Variants in SHQ1 observed in about 807,000 individuals in gnomAD.
The protein encoded by SHQ1 is SHQ1, H/ACA ribonucleoprotein assembly factor.
In SHQ1, 49 loss-of-function variants were observed where a neutral mutation model predicts 53.8. The observed-to-expected ratio is 0.91, with a 90% confidence interval of 0.72 to 1.16. The LOEUF is 1.16. Ranked by LOEUF, SHQ1 falls within the 50% of genes most tolerant of loss-of-function variation. SHQ1 has a pLI of 0.00. For synonymous variants in SHQ1, 243 were observed against 251.0 expected, an observed-to-expected ratio of 0.97 and a Z score of 0.30; for missense variants, 738 against 683.1, an observed-to-expected ratio of 1.08 and a Z score of -0.90.
intron 1 of SHQ1, among the ~76,000 whole-genome samples, chr3:72,845,862 G>T (rs922881665): frequency 6.6e-6 from 1 of 152,124 alleles, no homozygotes; most frequent in Admixed American, 6.5e-5. Context: ...ATCCCTCTAA[G>T]CCAGAATAAG....
chr3:72,832,846 C>T (rs937719222), intron 4 of SHQ1, among the ~76,000 whole-genome samples: 13 of 149,336 alleles, frequency 8.7e-5, no homozygotes, highest in Non-Finnish European at 1.5e-4. Flanking sequence ...AGTTATTAAA[C>T]GTAGAGTGGC....
intron 4 of SHQ1, among the ~76,000 whole-genome samples, chr3:72,833,233 G>A (rs901365195): frequency 1.7e-4 from 26 of 152,220 alleles, no homozygotes; most frequent in Admixed American, 1.1e-3. Flanking sequence ...CTTGAGCCCA[G>A]GAGTTCGAAC....
intron 10 of SHQ1, among the ~76,000 whole-genome samples, chr3:72,786,303 G>A (rs1050267870): frequency 1.3e-5 from 2 of 152,172 alleles, no homozygotes; most frequent in African/African-American, 2.4e-5. Flanking sequence ...TTCCCAGAAT[G>A]TCAGTCTCAT....
At chr3:72,725,535 G>A in the SHQ1 span, among the ~76,000 whole-genome samples, 14 of 152,044 alleles carry the variant, frequency 9.2e-5, no homozygotes, top group Admixed American at 2.6e-4. Context: ...CCACTCCTCC[G>A]TTTCACTTCG....
chr3:72,739,521 T>C, the SHQ1 span, among the ~76,000 whole-genome samples: 948 of 152,306 alleles, frequency 6.2e-3, 62 homozygotes, highest in East Asian at 0.15. Flanking sequence ...AAGGCTCCCC[T>C]TGTTGCATGG....
At chr3:72,844,322 C>G (rs1708265919) in intron 2 of SHQ1, 37 bp downstream of exon 2, 1 of 1,562,564 alleles carries the variant, frequency 6.4e-7, no homozygotes, top group South Asian at 1.1e-5. Flanking sequence ...GTGAAAAATC[C>G]CAAGAAATAA....
the SHQ1 span, among the ~76,000 whole-genome samples, chr3:72,738,016 G>C: frequency 6.6e-6 from 1 of 152,138 alleles, no homozygotes; most frequent in East Asian, 1.9e-4. Flanking sequence ...CCCCAGCTCT[G>C]CTAACCCTCC....
downstream of SHQ1, among the ~76,000 whole-genome samples, chr3:72,747,338 T>C (rs1705274780): frequency 6.6e-6 from 1 of 152,174 alleles, no homozygotes; most frequent in Admixed American, 6.5e-5. Context: ...CCAATCCCGA[T>C]GGATTAACAG....
chr3:72,812,154 T>C (rs892118920), intron 9 of SHQ1, among the ~76,000 whole-genome samples: 1 of 152,232 alleles, frequency 6.6e-6, no homozygotes, highest in African/African-American at 2.4e-5. Context: ...CTGAGCTTTT[T>C]GTTGGAAAAT....
At chr3:72,841,994 T>C (rs1157419522) in intron 3 of SHQ1, among the ~76,000 whole-genome samples, 1 of 152,170 alleles carries the variant, frequency 6.6e-6, no homozygotes, top group Non-Finnish European at 1.5e-5. Flanking sequence ...TTTACGTAAC[T>C]CACTTAACTG....
At chr3:72,740,203 C>T in the SHQ1 span, among the ~76,000 whole-genome samples, 3 of 152,174 alleles carry the variant, frequency 2.0e-5, no homozygotes, top group Non-Finnish European at 4.4e-5. Context: ...ACCAGCCATC[C>T]CATTTCAGTG....
At chr3:72,821,317 G>C (rs1257227542) in intron 6 of SHQ1, among the ~76,000 whole-genome samples, 1 of 152,188 alleles carries the variant, frequency 6.6e-6, no homozygotes, top group Non-Finnish European at 1.5e-5. Flanking sequence ...CAAGACTCTG[G>C]AGCTTCAGAT....
chr3:72,821,157 G>C (rs1291333614), intron 6 of SHQ1, among the ~76,000 whole-genome samples: 1 of 152,098 alleles, frequency 6.6e-6, no homozygotes, highest in Non-Finnish European at 1.5e-5. Context: ...AGCCTAAATG[G>C]GTAGCCCTGC....
At chr3:72,837,101 GC>G (rs1708026072) in intron 4 of SHQ1, among the ~76,000 whole-genome samples, 1 of 152,136 alleles carries the variant, frequency 6.6e-6, no homozygotes, top group Admixed American at 6.5e-5. Context: ...TAGGATTGTT[GC>G]TGCTGGCAGC....
At chr3:72,774,471 A>G (rs1339203001) in intron 10 of SHQ1, among the ~76,000 whole-genome samples, 1 of 151,812 alleles carries the variant, frequency 6.6e-6, no homozygotes. Flanking sequence ...TTTCTAAACA[A>G]TGATATAATT....
At chr3:72,797,892 C>CG (rs1706675824) in intron 9 of SHQ1, among the ~76,000 whole-genome samples, 1 of 151,268 alleles carries the variant, frequency 6.6e-6, no homozygotes, top group Non-Finnish European at 1.5e-5. Flanking sequence ...TGTGGCTGGG[C>CG]TTTTTTTTTC....
At chr3:72,846,359 A>G in intron 1 of SHQ1, 3 of 1,493,854 alleles carry the variant, frequency 2.0e-6, no homozygotes, top group Non-Finnish European at 2.7e-6. Context: ...CGATAGCGCA[A>G]TCTTGGCTCA....
intron 9 of SHQ1, among the ~76,000 whole-genome samples, chr3:72,806,916 G>A (rs1386555411): frequency 1.3e-5 from 2 of 152,092 alleles, no homozygotes; most frequent in African/African-American, 4.8e-5. Context: ...GGACATCTTA[G>A]CTCCCTAGGT....
intron 10 of SHQ1, among the ~76,000 whole-genome samples, chr3:72,766,940 A>T (rs1281798435): frequency 6.6e-6 from 1 of 152,236 alleles, no homozygotes; most frequent in African/African-American, 2.4e-5. Context: ...GCTTGACTGA[A>T]GAACTATACC....
Sources: allele counts gnomAD v4.1 joint callset (sites outside exome capture counted in the v4.1 genomes callset), GRCh38; gene constraint gnomAD v4.1.1; transcripts MANE v1.5; gene names NCBI Gene and HGNC (gene_info 2026-07-23, HGNC 2026-07-21).